Variants in COL10A1 observed in about 807,000 individuals in gnomAD.
COL10A1 encodes collagen alpha-1(X) chain.
A neutral mutation model predicts 18.2 loss-of-function variants in COL10A1; 10 were observed. The ratio of observed to expected loss-of-function variants is 0.55; its 90% confidence interval spans 0.34 to 0.93. The LOEUF (loss-of-function observed/expected upper bound fraction) is 0.93, where lower values mean the gene tolerates loss of function less well. COL10A1 is among the 40% of genes least tolerant of loss of function. The pLI is 0.02. For missense variants in COL10A1, 897 were observed against 853.5 expected (o/e 1.05, Z -0.64); for synonymous variants, 330 against 316.6 (o/e 1.04, Z -0.45).
chr6:116,178,088 TGCGCGCGCGCGCGC>T, the COL10A1 span, among the ~76,000 whole-genome samples: 5 of 99,620 alleles, frequency 5.0e-5, no homozygotes, highest in African/African-American at 9.3e-5. Flanking sequence ...TGTGTGTGTG[TGCGCGCGCGCGCGC>T]GTGCGTGCGT....
chr6:116,131,764 C>A (rs1034706398), intron 1 of COL10A1, among the ~76,000 whole-genome samples: 1 of 152,090 alleles, frequency 6.6e-6, no homozygotes, highest in African/African-American at 2.4e-5. Context: ...CAGTTTATTT[C>A]ATCACCCAGG....
At chr6:116,190,503 A>G in the COL10A1 span, among the ~76,000 whole-genome samples, 1 of 152,118 alleles carries the variant, frequency 6.6e-6, no homozygotes, top group East Asian at 1.9e-4. Context: ...TCTGGAGAAA[A>G]CAAAACAAGC....
intron 1 of COL10A1, among the ~76,000 whole-genome samples, chr6:116,147,723 A>C (rs1263185413): frequency 1.3e-5 from 2 of 152,184 alleles, no homozygotes; most frequent in Non-Finnish European, 2.9e-5. Flanking sequence ...TCACCCAAGA[A>C]TTATATCTCT....
chr6:116,214,767 T>A, the COL10A1 span, among the ~76,000 whole-genome samples: 1 of 152,052 alleles, frequency 6.6e-6, no homozygotes, highest in South Asian at 2.1e-4. Flanking sequence ...GTGTTCATTG[T>A]GGCTAAAGAG....
At chr6:116,196,851 G>A in the COL10A1 span, among the ~76,000 whole-genome samples, 8 of 151,670 alleles carry the variant, frequency 5.3e-5, no homozygotes, top group Non-Finnish European at 8.8e-5. Flanking sequence ...GCCAGGCACC[G>A]TTCTTCATTA....
chr6:116,134,756 A>G (rs891900253), intron 1 of COL10A1, among the ~76,000 whole-genome samples: 1 of 152,208 alleles, frequency 6.6e-6, no homozygotes, highest in Non-Finnish European at 1.5e-5. Context: ...TTGCTGTTCT[A>G]GTAAGTGTGT....
chr6:116,140,197 C>A (rs1249068821), intron 1 of COL10A1, among the ~76,000 whole-genome samples: 1 of 152,114 alleles, frequency 6.6e-6, no homozygotes, highest in Non-Finnish European at 1.5e-5. Context: ...TTCAAGTATT[C>A]CTCTTCTGTT....
upstream of COL10A1, among the ~76,000 whole-genome samples, chr6:116,126,394 A>G (rs780377340): frequency 2.0e-5 from 3 of 151,916 alleles, no homozygotes; most frequent in Non-Finnish European, 4.4e-5. Flanking sequence ...TTAATACTCT[A>G]GTGTTCAGGC....
chr6:116,137,749 A>C (rs1368855192), intron 1 of COL10A1, among the ~76,000 whole-genome samples: 1 of 152,206 alleles, frequency 6.6e-6, no homozygotes, highest in Non-Finnish European at 1.5e-5. Flanking sequence ...TTTATATGGA[A>C]AACCAGTTAT....
chr6:116,210,110 ATATAAT>A, the COL10A1 span, among the ~76,000 whole-genome samples: 203 of 152,102 alleles, frequency 1.3e-3, 1 homozygote, highest in Non-Finnish European at 2.2e-3. Flanking sequence ...TTAATTCTAG[ATATAAT>A]TAGAATGCAT....
chr6:116,185,032 C>G, the COL10A1 span, among the ~76,000 whole-genome samples: 27 of 151,964 alleles, frequency 1.8e-4, no homozygotes, highest in African/African-American at 6.5e-4. Flanking sequence ...ACTGCCTTTG[C>G]TGTATTCTGG....
At chr6:116,162,155 A>T (rs1460418682), upstream of COL10A1, among the ~76,000 whole-genome samples, 3 of 152,156 alleles carry the variant, frequency 2.0e-5, no homozygotes, top group African/African-American at 7.2e-5. Flanking sequence ...AAAGTTATTG[A>T]TTAGGTCCAG....
At chr6:116,211,551 C>T in the COL10A1 span, among the ~76,000 whole-genome samples, 30 of 151,766 alleles carry the variant, frequency 2.0e-4, no homozygotes, top group African/African-American at 7.0e-4. Flanking sequence ...TCTTAATTAA[C>T]CTACAAATTA....
rs181162166 is a variant in COL10A1 at position 116,137,855 on chromosome 6, A to G, written c.-15-12348T>C. On this transcript the variant is annotated intron_variant, in intron 1 of 1. Transcript: ENST00000418500. Reference sequence around the variant, plus strand: ...CCAGCATTTTGGGAGGCCGAGGCAGACGAATCACAAGGTCAAGAGTTCGAG... The same window carrying G: ...CCAGCATTTTGGGAGGCCGAGGCAGGCGAATCACAAGGTCAAGAGTTCGAG... Among the ~76,000 whole-genome samples, 394 of 152,242 alleles carry G rather than the reference A, an allele frequency of 2.6e-3. 10 individuals are homozygous for G. In the South Asian group the frequency reaches 0.043, roughly 17 times the overall value.
At chr6:116,124,941 T>C (rs1272191846) in intron 2 of COL10A1, among the ~76,000 whole-genome samples, 2 of 152,344 alleles carry the variant, frequency 1.3e-5, no homozygotes, top group Non-Finnish European at 2.9e-5. Context: ...AAATGTTTAA[T>C]ATTTAGCTAA....
chr6:116,134,284 G>A (rs1283529854), intron 1 of COL10A1, among the ~76,000 whole-genome samples: 1 of 152,010 alleles, frequency 6.6e-6, no homozygotes, highest in Non-Finnish European at 1.5e-5. Flanking sequence ...TGGAGCAGGA[G>A]CTACTTCCTG....
chr6:116,205,018 A>G, the COL10A1 span, among the ~76,000 whole-genome samples: 97 of 152,144 alleles, frequency 6.4e-4, no homozygotes, highest in African/African-American at 2.2e-3. Context: ...TGTGAACTAC[A>G]TATGTGTGTA....
the COL10A1 span, among the ~76,000 whole-genome samples, chr6:116,165,098 G>GAAAAAAAAAAAA: frequency 6.7e-4 from 68 of 101,040 alleles, 1 homozygote; most frequent in African/African-American, 2.6e-3. Flanking sequence ...CTCCGTCTCA[G>GAAAAAAAAAAAA]AAAAAAAAAA....
At chr6:116,158,257 C>T (rs576270312) in intron 1 of COL10A1, among the ~76,000 whole-genome samples, 1 of 106,924 alleles carries the variant, frequency 9.4e-6, no homozygotes, top group South Asian at 3.0e-4. Flanking sequence ...TGTGCTACCT[C>T]GATGAAGATA....
Sources: gnomAD v4.1 joint callset for allele counts (sites outside exome capture counted in the v4.1 genomes callset) on GRCh38, gnomAD v4.1.1 for gene constraint, MANE v1.5 for transcripts, NCBI Gene and HGNC (gene_info 2026-07-23, HGNC 2026-07-21) for gene names.